SEMA3A: variants seen among roughly 807,000 people sequenced by gnomAD.
The protein encoded by SEMA3A is semaphorin 3A, also known as semaphorin-3A.
Under a neutral mutation model 97.9 loss-of-function variants are expected in SEMA3A, and 29 were observed. That is an observed-to-expected ratio of 0.30 (90% confidence interval 0.22 to 0.40). SEMA3A has a LOEUF of 0.40. Ranked by LOEUF, SEMA3A falls within the 10% of genes least tolerant of loss-of-function variation. The pLI is 1.00. For missense variants in SEMA3A, 763 were observed against 951.3 expected (o/e 0.80, Z 2.60); for synonymous variants, 321 against 323.7 (o/e 0.99, Z 0.09).
chr7:84,091,222 GAAAGA>G (rs1208872913), intron 4 of SEMA3A, among the ~76,000 whole-genome samples: 1 of 59,604 alleles, frequency 1.7e-5, no homozygotes, highest in African/African-American at 5.5e-5. Context: ...GAAAAGAAAA[GAAAGA>G]AAAGAAAGAA....
intron 2 of SEMA3A, among the ~76,000 whole-genome samples, chr7:84,307,958 A>T (rs1007716340): frequency 1.3e-5 from 2 of 152,170 alleles, no homozygotes; most frequent in Admixed American, 1.3e-4. Context: ...AAAGAAAATA[A>T]AGACAATTCA....
At chr7:84,184,702 T>G (rs1797826053) in intron 1 of SEMA3A, among the ~76,000 whole-genome samples, 1 of 152,030 alleles carries the variant, frequency 6.6e-6, no homozygotes, top group Non-Finnish European at 1.5e-5. Context: ...GATCAGACCC[T>G]GCACCCAGCA....
chr7:84,425,871 C>T (rs1424323668), intron 1 of SEMA3A, among the ~76,000 whole-genome samples: 3 of 99,594 alleles, frequency 3.0e-5, no homozygotes, highest in Non-Finnish European at 5.2e-5. Flanking sequence ...CACACACACA[C>T]ACACACCCAC....
At chr7:83,997,971 C>G (rs894696769) in intron 12 of SEMA3A, among the ~76,000 whole-genome samples, 5 of 152,038 alleles carry the variant, frequency 3.3e-5, no homozygotes, top group Admixed American at 3.3e-4. Flanking sequence ...CTCTTGACCT[C>G]GTGATTCGCA....
chr7:83,996,024 C>G (rs570035761), intron 12 of SEMA3A, among the ~76,000 whole-genome samples: 1 of 152,284 alleles, frequency 6.6e-6, no homozygotes, highest in Admixed American at 6.5e-5. Context: ...AACTGCCTTG[C>G]AATTCCTTAC....
chr7:84,432,814 T>C (rs913824380), intron 1 of SEMA3A, among the ~76,000 whole-genome samples: 5 of 152,076 alleles, frequency 3.3e-5, no homozygotes, highest in Admixed American at 2.6e-4. Flanking sequence ...GTTGATTCCA[T>C]ATCTTTGCTA....
intron 1 of SEMA3A, among the ~76,000 whole-genome samples, chr7:84,390,687 T>G (rs1803546367): frequency 6.6e-6 from 1 of 151,938 alleles, no homozygotes; most frequent in African/African-American, 2.4e-5. Flanking sequence ...AATGTAGTAG[T>G]GCTGATAACA....
At chr7:84,421,869 AC>A (rs1804605289) in intron 1 of SEMA3A, among the ~76,000 whole-genome samples, 1 of 152,008 alleles carries the variant, frequency 6.6e-6, no homozygotes, top group South Asian at 2.1e-4. Context: ...GATGAAGCTG[AC>A]TTGATTGTGG....
intron 5 of SEMA3A, among the ~76,000 whole-genome samples, chr7:84,050,407 G>C (rs1792570165): frequency 6.6e-6 from 1 of 152,026 alleles, no homozygotes; most frequent in South Asian, 2.1e-4. Flanking sequence ...CATTCTAACT[G>C]GTGTGAGATG....
chr7:84,472,329 T>C (rs981505363), intron 1 of SEMA3A, among the ~76,000 whole-genome samples: 1 of 152,302 alleles, frequency 6.6e-6, no homozygotes, highest in African/African-American at 2.4e-5. Flanking sequence ...TGGTCTTTCA[T>C]GGGATGTGGG....
intron 1 of SEMA3A, among the ~76,000 whole-genome samples, chr7:84,167,624 G>A (rs1164164544): frequency 6.6e-6 from 1 of 152,148 alleles, no homozygotes; most frequent in African/African-American, 2.4e-5. Context: ...GTGGGGTAGA[G>A]TGCAGAAGAA....
chr7:84,395,473 G>C lies in SEMA3A; in HGVS notation c.-245-23573C>G, dbSNP rs922085782. Among the ~76,000 whole-genome samples, 7 of 152,140 alleles carry C rather than the reference G, an allele frequency of 4.6e-5. No homozygotes were observed. The South Asian group carries it at 1.0e-3, about 22-fold the overall frequency. On this transcript the variant is annotated intron_variant, in intron 1 of 3. Coordinates refer to the SEMA3A transcript ENST00000424555. ...AACATGTTGTTTATATTTCAGGAAG[G>C]TTTAAACATTTGAATGAGGATTGAT...
intron 1 of SEMA3A, among the ~76,000 whole-genome samples, chr7:84,422,458 CA>C (rs1291365108): frequency 6.6e-6 from 1 of 151,802 alleles, no homozygotes; most frequent in Admixed American, 6.6e-5. Flanking sequence ...TTAATCTTTT[CA>C]AAAAACCAGC....
In SEMA3A at chr7:84,021,221, GTT is replaced by G. The variant is rs1261063079; in HGVS notation, c.668-6872_668-6871del. ...TCATTAGGAATCCTTTAATTAAACTGTTTATCATTCTACAACACCTTATCTAC... is the reference window on the plus strand; with the variant it reads ...TCATTAGGAATCCTTTAATTAAACTGTATCATTCTACAACACCTTATCTAC... On this transcript the variant is annotated intron_variant, in intron 6 of 16. Coordinates refer to ENST00000265362, the MANE Select transcript of SEMA3A (RefSeq NM_006080.3). Among the ~76,000 whole-genome samples the G allele has an allele frequency of 2.0e-5, 3 of 152,248 alleles. No individual in the cohort carries two copies. In the East Asian group the frequency reaches 5.8e-4, roughly 29 times the overall value.
intron 1 of SEMA3A, among the ~76,000 whole-genome samples, chr7:84,151,737 C>G (rs1439983813): frequency 2.6e-5 from 4 of 152,092 alleles, no homozygotes. Context: ...GCAAAAGAAA[C>G]TACCATCAGA....
At chr7:84,008,909 T>C (rs987072242) in intron 9 of SEMA3A, among the ~76,000 whole-genome samples, 1 of 152,200 alleles carries the variant, frequency 6.6e-6, no homozygotes, top group Non-Finnish European at 1.5e-5. Context: ...TTTGTAATGT[T>C]TGGGTTATCT....
intron 6 of SEMA3A, among the ~76,000 whole-genome samples, chr7:84,040,235 T>C (rs912076485): frequency 7.3e-5 from 11 of 151,660 alleles, no homozygotes; most frequent in African/African-American, 2.4e-4. Context: ...TTTTTTTTTT[T>C]TTCTGGTCAA....
chr7:84,197,800 C>T (rs12534036), upstream of SEMA3A, among the ~76,000 whole-genome samples: 41,333 of 142,264 alleles, frequency 0.29, 6,257 homozygotes, highest in Middle Eastern at 0.4. Context: ...AGTGCAGTGG[C>T]GCGATCTCGG....
At chr7:84,171,010 T>C (rs1797367545) in intron 1 of SEMA3A, among the ~76,000 whole-genome samples, 1 of 152,064 alleles carries the variant, frequency 6.6e-6, no homozygotes, top group Non-Finnish European at 1.5e-5. Flanking sequence ...ATTTTGCTCA[T>C]TGAGTTCTAT....
Sources: gnomAD v4.1 joint callset for allele counts (sites outside exome capture counted in the v4.1 genomes callset) on GRCh38, gnomAD v4.1.1 for gene constraint, MANE v1.5 for transcripts, NCBI Gene and HGNC (gene_info 2026-07-23, HGNC 2026-07-21) for gene names.